The following ST3GAL3 variants were observed in gnomAD, a reference collection of about 807,000 sequenced individuals.
ST3GAL3 encodes the protein ST3 beta-galactoside alpha-2,3-sialyltransferase 3, also known as CMP-N-acetylneuraminate-beta-1,4-galactoside alpha-2,3-sialyltransferase.
Under a neutral mutation model 50.1 loss-of-function variants are expected in ST3GAL3, and 21 were observed. That is an observed-to-expected ratio of 0.42 (90% confidence interval 0.30 to 0.60). The LOEUF (loss-of-function observed/expected upper bound fraction) is 0.60, where lower values mean the gene tolerates loss of function less well. ST3GAL3 is among the 20% of genes least tolerant of loss of function. The probability of loss-of-function intolerance (pLI) is 0.19; values close to 1 mark genes in which losing one functional copy is unlikely to be tolerated. For synonymous variants in ST3GAL3, 183 were observed against 190.0 expected (o/e 0.96, Z 0.30); for missense variants, 353 against 489.4 (o/e 0.72, Z 2.63).
At chr1:43,783,291 C>T (rs1699946134) in intron 2 of ST3GAL3, among the ~76,000 whole-genome samples, 1 of 152,196 alleles carries the variant, frequency 6.6e-6, no homozygotes, top group Non-Finnish European at 1.5e-5. Context: ...TCTGCCCTCC[C>T]TGTTCTCCCA....
intron 5 of ST3GAL3, among the ~76,000 whole-genome samples, chr1:43,871,240 T>C (rs79441524): frequency 0.042 from 6,422 of 152,236 alleles, 159 homozygotes; most frequent in East Asian, 0.13. Context: ...TGGAATGAGG[T>C]GGCCAAAGTA....
At chr1:43,841,267 G>A (rs1391543147) in intron 5 of ST3GAL3, 3 of 152,422 alleles carry the variant, frequency 2.0e-5, no homozygotes, top group African/African-American at 4.8e-5. Context: ...CAGTGTCCCA[G>A]TGGGGACCCT....
rs552465498 is a variant in ST3GAL3, at chr1:43,740,902, GAGGAAGGGAGGGAGGAAAGA to G, written c.118+4542_118+4561del. On this transcript the variant is annotated intron_variant, in intron 2 of 11. Transcript: ENST00000347631. ...AGAGAGAGAGACAGAGAAAGGGAGCGAGGAAGGGAGGGAGGAAAGAAGGAAGGGAGGGAGGAAAGGAGGAA... is the reference window on the plus strand; with the variant it reads ...AGAGAGAGAGACAGAGAAAGGGAGCGAGGAAGGGAGGGAGGAAAGGAGGAA... 2.9e-3 allele frequency among the ~76,000 whole-genome samples: 436 copies of G among 150,646 alleles called. 2 individuals carry two copies. The highest frequency in any genetic ancestry group is 5.0e-3 in the Non-Finnish European group (335 of 67,558).
chr1:43,817,480 G>C (rs545416247), intron 4 of ST3GAL3, among the ~76,000 whole-genome samples: 1 of 124,390 alleles, frequency 8.0e-6, no homozygotes, highest in African/African-American at 3.1e-5. Context: ...CCTTCTCCTT[G>C]TTCTTCTTCT....
chr1:43,835,687 G>T (rs550161257), intron 4 of ST3GAL3, among the ~76,000 whole-genome samples: 32 of 152,242 alleles, frequency 2.1e-4, no homozygotes, highest in African/African-American at 7.5e-4. Context: ...GGTGGCCAAA[G>T]GTCTGTCTGT....
At chr1:43,889,127 T>A (rs1323343427) in intron 5 of ST3GAL3, among the ~76,000 whole-genome samples, 1 of 151,670 alleles carries the variant, frequency 6.6e-6, no homozygotes, top group African/African-American at 2.4e-5. Flanking sequence ...ATATATTGTT[T>A]AGTAAAAAAA....
intron 2 of ST3GAL3, among the ~76,000 whole-genome samples, chr1:43,743,154 C>G (rs1246110253): frequency 6.6e-6 from 1 of 150,448 alleles, no homozygotes; most frequent in Non-Finnish European, 1.5e-5. Context: ...AAATTAATTT[C>G]CCATACTTAC....
At chr1:43,897,904 G>A (rs1249620989) in intron 6 of ST3GAL3, among the ~76,000 whole-genome samples, 2 of 152,188 alleles carry the variant, frequency 1.3e-5, no homozygotes, top group Non-Finnish European at 2.9e-5. Context: ...AGCTTCCAGG[G>A]AAGGCCCTGG....
chr1:43,813,180 A>C (rs2060772427), intron 3 of ST3GAL3, among the ~76,000 whole-genome samples: 1 of 152,188 alleles, frequency 6.6e-6, no homozygotes. Context: ...AATCCGCCTA[A>C]GTATGGATTA....
chr1:43,826,246 A>C (rs755965434), intron 4 of ST3GAL3, among the ~76,000 whole-genome samples: 25 of 152,212 alleles, frequency 1.6e-4, no homozygotes, highest in Non-Finnish European at 2.9e-4. Flanking sequence ...CGACAGAGTG[A>C]GACCCTGTCT....
At chr1:43,871,049 A>G (rs1358184566) in intron 5 of ST3GAL3, among the ~76,000 whole-genome samples, 3 of 152,074 alleles carry the variant, frequency 2.0e-5, no homozygotes, top group Non-Finnish European at 4.4e-5. Flanking sequence ...TGTAGGAAAC[A>G]CCCTCTGTTC....
intron 3 of ST3GAL3, among the ~76,000 whole-genome samples, chr1:43,800,663 T>A (rs956723561): frequency 6.6e-6 from 1 of 152,238 alleles, no homozygotes; most frequent in African/African-American, 2.4e-5. Flanking sequence ...CTCCCCTGTC[T>A]AAACCTCTCT....
At chr1:43,782,004 A>G (rs1226694844) in intron 2 of ST3GAL3, among the ~76,000 whole-genome samples, 2 of 152,084 alleles carry the variant, frequency 1.3e-5, no homozygotes, top group Non-Finnish European at 2.9e-5. Flanking sequence ...TTCAGTCTGT[A>G]TTTTACTGGC....
intron 5 of ST3GAL3, among the ~76,000 whole-genome samples, chr1:43,867,044 C>T (rs565606819): frequency 1.3e-5 from 2 of 152,274 alleles, no homozygotes; most frequent in South Asian, 2.1e-4. Context: ...GCAGGAGAGT[C>T]GCTTCAACCC....
intron 4 of ST3GAL3, chr1:43,819,265 G>A (rs1465929396): frequency 6.6e-6 from 1 of 152,114 alleles, no homozygotes; most frequent in African/African-American, 2.4e-5. Flanking sequence ...GGCTAATTTT[G>A]TATATTTAGT....
chr1:43,794,407 A>G (rs1179203492), intron 3 of ST3GAL3, among the ~76,000 whole-genome samples: 1 of 151,638 alleles, frequency 6.6e-6, no homozygotes, highest in Non-Finnish European at 1.5e-5. Context: ...AAGCTTGACA[A>G]TTCCAATGTT....
At chr1:43,731,366 C>A (rs1023452365) in intron 1 of ST3GAL3, among the ~76,000 whole-genome samples, 1 of 149,580 alleles carries the variant, frequency 6.7e-6, no homozygotes, top group African/African-American at 2.5e-5. Context: ...TGCGTGCCAC[C>A]GCACCCAGCT....
chr1:43,757,688 G>A (rs1403255202), intron 2 of ST3GAL3, among the ~76,000 whole-genome samples: 4 of 152,052 alleles, frequency 2.6e-5, no homozygotes, highest in African/African-American at 4.8e-5. Flanking sequence ...ACTAAAAAAC[G>A]CATAGAACAA....
At chr1:43,775,395 G>A (rs574310482) in intron 2 of ST3GAL3, among the ~76,000 whole-genome samples, 2 of 152,064 alleles carry the variant, frequency 1.3e-5, no homozygotes, top group African/African-American at 4.8e-5. Context: ...CACAATGCCT[G>A]GCTAATGTTT....
Sources: allele counts gnomAD v4.1 joint callset (sites outside exome capture counted in the v4.1 genomes callset), GRCh38; gene constraint gnomAD v4.1.1; transcripts MANE v1.5; gene names NCBI Gene and HGNC (gene_info 2026-07-23, HGNC 2026-07-21).